Variants in GOLGB1 observed in about 807,000 individuals in gnomAD.
GOLGB1 encodes the protein golgin subfamily B member 1.
Under a neutral mutation model 336.9 loss-of-function variants are expected in GOLGB1, and 174 were observed. The observed-to-expected ratio is 0.52, with a 90% CI of 0.46 to 0.59. The LOEUF (loss-of-function observed/expected upper bound fraction) is 0.59. GOLGB1 is among the 20% of genes least tolerant of loss of function. The pLI, the probability that GOLGB1 is intolerant of heterozygous loss-of-function variation, is 0.00. For missense variants in GOLGB1, 3,331 were observed against 3,645.3 expected, an observed-to-expected ratio of 0.91 and a Z score of 2.22; for synonymous variants, 1,208 against 1,289.2, an observed-to-expected ratio of 0.94 and a Z score of 1.35.
At position 121,718,411 on chromosome 3, in the gene GOLGB1, T is replaced by G. The variant is rs751191453; in HGVS notation, c.862A>C (p.Thr288Pro). ...QVVDLLQQEL[T>P]AAEQRNQILS... ...ACCTGGTTTCTCTGCTCAGCAGCAG[T>G]CAGCTCCTGTTGCAGCAAGTCAACG... The change falls in exon 8 of 22, where the codon ACT becomes CCT. Residue 288 changes from threonine to proline, a missense_variant. By Grantham distance (38) the Thr-to-Pro change is conservative (BLOSUM62 -1). Coordinates refer to ENST00000614479, the MANE Select transcript of GOLGB1 (RefSeq NM_001366282.2). 1 of 1,609,822 alleles carries G rather than the reference T, an allele frequency of 6.2e-7. No individual in the cohort carries two copies. The highest frequency in any genetic ancestry group is 1.3e-5 in the African/African-American group (1 of 74,826).
chr3:121,693,640 G>A (rs1477416927), intron 13 of GOLGB1, 101 bp downstream of exon 13: 6 of 864,846 alleles, frequency 6.9e-6, no homozygotes, highest in East Asian at 2.4e-5. Context: ...GGACATTTAT[G>A]CCAAAATTAG....
chr3:121,703,575 G>C (rs112668917), intron 10 of GOLGB1, among the ~76,000 whole-genome samples: 1,993 of 152,292 alleles, frequency 0.013, 20 homozygotes, highest in South Asian at 0.025. Flanking sequence ...CTGACTTAAA[G>C]CAGCCCAGCT....
intron 14 of GOLGB1, among the ~76,000 whole-genome samples, chr3:121,688,429 C>T (rs1298429246): frequency 6.6e-6 from 1 of 152,262 alleles, no homozygotes; most frequent in Non-Finnish European, 1.5e-5. Flanking sequence ...CGCGAGTGAT[C>T]CGCCAACCTC....
Position 121,691,598 on chromosome 3 carries a change from T to C in GOLGB1, c.7766A>G (p.Glu2589Gly). The change falls in exon 14 of 22, where the codon GAG (glutamate) becomes GGG (glycine). Residue 2589 changes from glutamate to glycine, a missense_variant. Transcript: ENST00000614479. ...EKLKESEEAN[E>G]DLRRSFNALQ... Reference sequence around the variant, plus strand: ...GGCATTAAAGGACCTCCGCAGATCCTCATTTGCTTCCTCAGATTCCTTCAG... The same window carrying C: ...GGCATTAAAGGACCTCCGCAGATCCCCATTTGCTTCCTCAGATTCCTTCAG... The C allele has an allele frequency of 1.9e-6, 3 of 1,613,748 alleles. No individual in the cohort carries two copies. The highest frequency in any genetic ancestry group is 2.5e-6 in the Non-Finnish European group (3 of 1,179,820).
chr3:121,737,804 G>A (rs1043415127), intron 1 of GOLGB1, among the ~76,000 whole-genome samples: 1 of 152,166 alleles, frequency 6.6e-6, no homozygotes, highest in African/African-American at 2.4e-5. Context: ...AGTGATGAGA[G>A]ATACCTGTTT....
chr3:121,714,041 G>T (rs1944557767), intron 10 of GOLGB1, among the ~76,000 whole-genome samples: 1 of 152,166 alleles, frequency 6.6e-6, no homozygotes, highest in African/African-American at 2.4e-5. Context: ...CGAATGGTTG[G>T]AAAACGTCTT....
chr3:121,734,392 GAAAAAAAAA>G (rs34906801), intron 1 of GOLGB1, among the ~76,000 whole-genome samples: 1 of 107,254 alleles, frequency 9.3e-6, no homozygotes, highest in South Asian at 3.3e-4. Context: ...TCTGTCTCGG[GAAAAAAAAA>G]AAAAAAAAAA....
chr3:121,716,581 A>G (rs1944791846), intron 9 of GOLGB1, among the ~76,000 whole-genome samples, 156 bp downstream of exon 9: 1 of 152,250 alleles, frequency 6.6e-6, no homozygotes, highest in African/African-American at 2.4e-5. Context: ...AGAGGCAAGA[A>G]AAATGCATCA....
At chr3:121,711,808 T>A (rs1944381387) in intron 10 of GOLGB1, among the ~76,000 whole-genome samples, 1 of 152,176 alleles carries the variant, frequency 6.6e-6, no homozygotes, top group Non-Finnish European at 1.5e-5. Context: ...AAAACACTGC[T>A]GAAAGAAATT....
At position 121,676,913 on chromosome 3, in the gene GOLGB1, T is replaced by TTCTTAACTCCTTTTGGTGAA; in HGVS notation, c.9137_9156dup (p.Ile3053PhefsTer6). On this transcript the variant is annotated stop_gained and frameshift_variant, in exon 17 of 22. Coordinates refer to ENST00000614479, the MANE Select transcript of GOLGB1 (RefSeq NM_001366282.2). LOFTEE classifies it high-confidence loss of function. ...CTTACGTTGCTGTTCAGTTGCTGAA[T>TTCTTAACTCCTTTTGGTGAA]TCTTAACTCCTTTTGGTGAATTTCC... 6.2e-7 allele frequency: 1 copy of TTCTTAACTCCTTTTGGTGAA among 1,613,926 alleles called. No homozygotes were observed. Among genetic ancestry groups the TTCTTAACTCCTTTTGGTGAA allele is most frequent in the Non-Finnish European group, 8.5e-7 (1 of 1,179,784 alleles).
rs746649684 is a variant in GOLGB1, at chr3:121,683,053, ATTT to A, written c.8695-1191_8695-1189del. On this transcript the variant is annotated intron_variant, in intron 14 of 21. Transcript: ENST00000614479. The stretch of plus-strand genomic sequence containing the variant: ...GCTGCTTAAGAAGCAATTTCTTTTA[ATTT>A]TTTTTTTTTTTTTTTTTTTTTTTTT... Among the ~76,000 whole-genome samples, 266 of 82,476 alleles carry A rather than the reference ATTT, an allele frequency of 3.2e-3. 1 individual carries two copies. The highest frequency in any genetic ancestry group is 6.0e-3 in the African/African-American group (128 of 21,324). 54.1% of individuals were successfully genotyped at this position (82,476 alleles called of 152,430 possible). A position where few individuals can be genotyped will look rare whatever the true frequency, so the allele number is the denominator to read the frequency against.
chr3:121,668,546 C>T (rs1168426737), intron 18 of GOLGB1: 2 of 158,256 alleles, frequency 1.3e-5, no homozygotes, highest in Non-Finnish European at 2.8e-5. Context: ...TGGTGGCAGG[C>T]GCCTGTAATC....
intron 10 of GOLGB1, among the ~76,000 whole-genome samples, chr3:121,710,203 G>A (rs756987942): frequency 1.2e-4 from 18 of 151,354 alleles, no homozygotes; most frequent in African/African-American, 4.9e-5. Context: ...TGGTTTCATT[G>A]GTGAATTCTT....
At chr3:121,683,024 G>A (rs1315154230) in intron 14 of GOLGB1, among the ~76,000 whole-genome samples, 5 of 144,148 alleles carry the variant, frequency 3.5e-5, no homozygotes, top group African/African-American at 1.3e-4. Flanking sequence ...AGGTCTAGAT[G>A]AAAGCTGCTT....
chr3:121,733,026 A>G (rs956706608), intron 1 of GOLGB1, among the ~76,000 whole-genome samples: 2 of 152,212 alleles, frequency 1.3e-5, no homozygotes, highest in Non-Finnish European at 2.9e-5. Context: ...AAGTCACTAT[A>G]TAAAAGTCAA....
chr3:121,733,287 C>T (rs1477318838), intron 1 of GOLGB1, among the ~76,000 whole-genome samples: 1 of 64,650 alleles, frequency 1.5e-5, no homozygotes, highest in East Asian at 5.3e-4. Context: ...TGCTCCGTCT[C>T]AAAAAAAAAA....
In GOLGB1 at chr3:121,696,535, C is replaced by G; in HGVS notation, c.3988G>C (p.Val1330Leu). Residue 1330 changes from valine to leucine, a missense_variant, in exon 13 of 22, where the codon GTT becomes CTT. Transcript: ENST00000614479. ...GTAAGCTCACTTGTTGTAGAACTAA[C>G]TTTCAATTCTAACTCTACTTTCTCA... ...EAEKVELELK[V>L]SSTTSELTKK... The G allele has an allele frequency of 6.2e-7, 1 of 1,614,190 alleles. No individual in the cohort carries two copies. The highest frequency in any genetic ancestry group is 8.5e-7 in the Non-Finnish European group (1 of 1,180,020).
rs370926720 is a variant in GOLGB1, at chr3:121,694,792, A to G, written c.5731T>C (p.Ser1911Pro). The G allele has an allele frequency of 1.7e-5, 28 of 1,613,138 alleles. No individual in the cohort carries two copies. Among genetic ancestry groups the G allele is most frequent in the Non-Finnish European group, 2.3e-5 (27 of 1,179,842 alleles). Residue 1911 changes from serine (S) to proline (P), a missense_variant, in exon 13 of 22, where the codon TCC (serine) becomes CCC (proline). By Grantham distance (74) the Ser-to-Pro change is moderately conservative. Transcript: ENST00000614479. Reference sequence around the variant, plus strand: ...GTCTCCTTTAGTTTGGTAACTCTGGAGAGTTCTTCTTGGATTTGCTGATTT... The same window carrying G: ...GTCTCCTTTAGTTTGGTAACTCTGGGGAGTTCTTCTTGGATTTGCTGATTT... ...LLNQQIQEEL[S>P]RVTKLKETAE...
At chr3:121,710,819 T>A (rs915015524) in intron 10 of GOLGB1, among the ~76,000 whole-genome samples, 1 of 151,002 alleles carries the variant, frequency 6.6e-6, no homozygotes, top group Non-Finnish European at 1.5e-5. Flanking sequence ...ATCACACCAC[T>A]ACACCCCAGC....
Sources: gnomAD v4.1 joint callset for allele counts (sites outside exome capture counted in the v4.1 genomes callset) on GRCh38, gnomAD v4.1.1 for gene constraint, MANE v1.5 for transcripts, NCBI Gene and HGNC (gene_info 2026-07-23, HGNC 2026-07-21) for gene names.